The following PRKD3 variants were observed in gnomAD, a reference collection of about 807,000 sequenced individuals.
PRKD3 encodes protein kinase D3.
A neutral mutation model predicts 99.2 loss-of-function variants in PRKD3; 47 were observed. That is an observed-to-expected ratio of 0.47 (90% CI 0.38 to 0.60). PRKD3 has a LOEUF of 0.60. PRKD3 is among the 20% of genes least tolerant of loss of function. The pLI is 0.00. For synonymous variants in PRKD3, 392 were observed against 355.4 expected (o/e 1.10, Z -1.16); for missense variants, 1,019 against 1,088.4 (o/e 0.94, Z 0.90).
intron 2 of PRKD3, among the ~76,000 whole-genome samples, chr2:37,300,433 T>G (rs989533982): frequency 3.3e-5 from 5 of 152,076 alleles, no homozygotes; most frequent in African/African-American, 1.2e-4. Context: ...TACAGTTAGA[T>G]AGAAAAAATA....
intron 1 of PRKD3, among the ~76,000 whole-genome samples, chr2:37,320,963 T>C (rs1413263290): frequency 6.6e-6 from 1 of 152,188 alleles, no homozygotes; most frequent in Non-Finnish European, 1.5e-5. Flanking sequence ...ATTTTCCCTC[T>C]CCTGGTTTGG....
chr2:37,291,534 A>G (rs542230904), intron 3 of PRKD3, among the ~76,000 whole-genome samples: 7 of 152,348 alleles, frequency 4.6e-5, no homozygotes, highest in African/African-American at 1.7e-4. Flanking sequence ...TCAACCTGCA[A>G]GTAGTCTGAT....
chr2:37,264,175 A>G (rs1486375368), intron 14 of PRKD3, among the ~76,000 whole-genome samples: 1 of 152,204 alleles, frequency 6.6e-6, no homozygotes. Flanking sequence ...TTATGTAGGC[A>G]TGGCTCTTTT....
rs138302731 is a variant in PRKD3 at position 37,290,962 on chromosome 2, A to G, written c.465T>C (p.His155=). Residue 155 remains histidine (H), a synonymous_variant, in exon 4 of 19, where the codon CAT becomes CAC. Transcript: ENST00000234179. ...CTTTGTAAGAATGTACATAGAGAGT[A>G]TGTGGACGAATCTGGAAGTCTTCTA... The part of the protein sequence containing the change: ...ATVEDFQIRP[H]TLYVHSYKAP... 392 of 1,607,932 alleles carry G rather than the reference A, an allele frequency of 2.4e-4. 2 individuals carry two copies. The highest frequency in any genetic ancestry group is 1.3e-3 in the Middle Eastern group (8 of 6,044).
At chr2:37,265,462 AAGTT>A (rs991455733) in intron 14 of PRKD3, among the ~76,000 whole-genome samples, 5 of 152,090 alleles carry the variant, frequency 3.3e-5, no homozygotes, top group Non-Finnish European at 4.4e-5. Flanking sequence ...TTCATATACA[AAGTT>A]AGCTAAAGTT....
intron 6 of PRKD3, 90 bp from the exon 7 acceptor site, chr2:37,282,709 A>G: frequency 1.1e-6 from 1 of 885,512 alleles, no homozygotes; most frequent in Non-Finnish European, 1.9e-6. Flanking sequence ...TCACAAACAG[A>G]ATATTATTAG....
intron 16 of PRKD3, among the ~76,000 whole-genome samples, chr2:37,258,616 G>T (rs1275577442): frequency 6.6e-6 from 1 of 152,160 alleles, no homozygotes; most frequent in Non-Finnish European, 1.5e-5. Context: ...AAGATCAAAT[G>T]AGATAATATA....
At chr2:37,299,538 AC>A (rs1670823416) in intron 2 of PRKD3, among the ~76,000 whole-genome samples, 2 of 151,216 alleles carry the variant, frequency 1.3e-5, no homozygotes, top group African/African-American at 4.9e-5. Context: ...ACACACACAC[AC>A]ACACACACAC....
intron 17 of PRKD3, among the ~76,000 whole-genome samples, chr2:37,255,794 G>A (rs570856801): frequency 1.3e-5 from 2 of 152,258 alleles, no homozygotes; most frequent in South Asian, 2.1e-4. Flanking sequence ...TCAATTGAGT[G>A]CAAGAGTTTG....
At chr2:37,292,605 C>T (rs747675112) in intron 3 of PRKD3, among the ~76,000 whole-genome samples, 11 of 152,108 alleles carry the variant, frequency 7.2e-5, no homozygotes, top group South Asian at 2.1e-4. Context: ...CTCGGCCTCC[C>T]AAAGTGCTGG....
At chr2:37,315,376 C>T (rs971020890) in intron 2 of PRKD3, among the ~76,000 whole-genome samples, 2 of 151,926 alleles carry the variant, frequency 1.3e-5, no homozygotes, top group African/African-American at 4.8e-5. Flanking sequence ...AATATTTTGT[C>T]GTATATTCAA....
chr2:37,252,994 CTTA>C lies in PRKD3; in HGVS notation c.*180_*182del, dbSNP rs1353057524. ...CTTCACCTTGATTCCATTATGACTT[CTTA>C]TTATTCAGTTTCCCGCCTGTACCTA... On this transcript the variant is annotated 3_prime_UTR_variant, in exon 19 of 19. Transcript: ENST00000234179. 70 of 487,924 alleles carry C rather than the reference CTTA, an allele frequency of 1.4e-4. 1 individual carries two copies. In the East Asian group the frequency reaches 2.2e-3, roughly 15 times the overall value. The allele number at this position is 487,924 out of a possible 1,614,324, so 30.2% of individuals were successfully genotyped here.
intron 17 of PRKD3, 85 bp from the exon 18 acceptor site, chr2:37,254,374 C>T: frequency 2.0e-6 from 2 of 981,640 alleles, no homozygotes; most frequent in Admixed American, 1.8e-5. Context: ...CAGTTCAACC[C>T]ATAGAAATAC....
chr2:37,272,661 A>G (rs1426842954), intron 11 of PRKD3, among the ~76,000 whole-genome samples: 1 of 152,212 alleles, frequency 6.6e-6, no homozygotes, highest in Non-Finnish European at 1.5e-5. Flanking sequence ...ATGTAGGACT[A>G]TAAATACTGA....
At chr2:37,292,038 A>G (rs1038987195) in intron 3 of PRKD3, among the ~76,000 whole-genome samples, 1 of 152,244 alleles carries the variant, frequency 6.6e-6, no homozygotes, top group Non-Finnish European at 1.5e-5. Flanking sequence ...AGTGAAAGGT[A>G]GAAAAAAGCC....
chr2:37,288,425 G>A (rs1296395422), intron 5 of PRKD3, among the ~76,000 whole-genome samples: 1 of 152,068 alleles, frequency 6.6e-6, no homozygotes, highest in African/African-American at 2.4e-5. Context: ...CTTTTACTCT[G>A]GTGTCTTAAC....
In PRKD3 at chr2:37,317,084, T is replaced by G; in HGVS notation, c.-560A>C. On this transcript the variant is annotated 5_prime_UTR_variant, in exon 2 of 19. Transcript: ENST00000234179. ...CATTCTGGGGGGATGAACTTTTCTA[T>G]GACGAAATACAAAGCTTTTTAAAAT... 1.0e-6 allele frequency: 1 copy of G among 985,622 alleles called. No homozygotes were observed. Among genetic ancestry groups the G allele is most frequent in the Non-Finnish European group, 1.2e-6 (1 of 830,088 alleles). The allele number at this position is 985,622 out of a possible 1,614,324, so 61.1% of individuals were successfully genotyped here.
chr2:37,286,411 A>G, intron 5 of PRKD3, 42 bp from the exon 6 acceptor site: 1 of 1,545,410 alleles, frequency 6.5e-7, no homozygotes, highest in Non-Finnish European at 8.9e-7. Context: ...TCAATATTAA[A>G]AACAGAGTAG....
chr2:37,269,039 ATTTC>A (rs1669037347), intron 13 of PRKD3: 1 of 153,692 alleles, frequency 6.5e-6, no homozygotes, highest in Non-Finnish European at 1.4e-5. Context: ...AGGGTTTAAC[ATTTC>A]TTTCTTAGTA....
Sources: gnomAD v4.1 joint callset for allele counts (sites outside exome capture counted in the v4.1 genomes callset) on GRCh38, gnomAD v4.1.1 for gene constraint, MANE v1.5 for transcripts, NCBI Gene and HGNC (gene_info 2026-07-23, HGNC 2026-07-21) for gene names.